The following AMOTL1 variants were observed in gnomAD, a reference collection of about 807,000 sequenced individuals.
AMOTL1 encodes the protein angiomotin like 1, also known as angiomotin-like protein 1.
In AMOTL1, 45 loss-of-function variants were observed where a neutral mutation model predicts 102.9. The observed-to-expected ratio is 0.44, with a 90% confidence interval of 0.34 to 0.56. The LOEUF is 0.56. Among genes scored for constraint, AMOTL1 ranks in the 20% least tolerant of loss-of-function variants. The pLI, the probability that AMOTL1 is intolerant of heterozygous loss-of-function variation, is 0.01. For missense variants in AMOTL1, 1,114 were observed against 1,225.6 expected (o/e 0.91, Z 1.36); for synonymous variants, 481 against 484.7 (o/e 0.99, Z 0.10).
chr11:94,854,121 T>C (rs1198015010), intron 8 of AMOTL1, 39 bp downstream of exon 8: 1 of 1,488,966 alleles, frequency 6.7e-7, no homozygotes, highest in East Asian at 2.5e-5. Context: ...GAATTAGATA[T>C]GTTCACTCAG....
At chr11:94,840,654 G>GTATATATATATATATATATA (rs551220386) in intron 6 of AMOTL1, among the ~76,000 whole-genome samples, 48 of 111,260 alleles carry the variant, frequency 4.3e-4, no homozygotes, top group African/African-American at 6.0e-4. Flanking sequence ...CTTAAAAAAC[G>GTATATATATATATATATATA]TATATATATA....
chr11:94,827,320 A>ACT (rs941096309), intron 4 of AMOTL1, among the ~76,000 whole-genome samples: 1 of 151,976 alleles, frequency 6.6e-6, no homozygotes, highest in African/African-American at 2.4e-5. Flanking sequence ...CCTGAACACC[A>ACT]CTCTCATGGT....
At chr11:94,787,552 G>C (rs951943817) in intron 1 of AMOTL1, among the ~76,000 whole-genome samples, 9 of 151,594 alleles carry the variant, frequency 5.9e-5, no homozygotes, top group African/African-American at 2.2e-4. Flanking sequence ...GCCGGGCATG[G>C]TGGCGCGCGC....
chr11:94,777,478 T>C (rs557302366), intron 1 of AMOTL1, among the ~76,000 whole-genome samples: 136 of 152,302 alleles, frequency 8.9e-4, no homozygotes, highest in African/African-American at 3.1e-3. Flanking sequence ...CTAACATTTC[T>C]TACTTTCAAA....
chr11:94,730,722 A>C (rs1950335742), intron 2 of AMOTL1, among the ~76,000 whole-genome samples: 1 of 152,202 alleles, frequency 6.6e-6, no homozygotes, highest in Admixed American at 6.5e-5. Context: ...TCCTCTGAAT[A>C]TCTCTGCCTT....
chr11:94,864,869 C>T lies in AMOTL1; in HGVS notation c.2261+9C>T, dbSNP rs376215496. On this transcript the variant is annotated intron_variant, in intron 10 of 12. Transcript: ENST00000433060. ...CAGGACATGGAATACACGTAAGGGA[C>T]GACTATGTGTGACGTGTGGGGCCCG... 6.6e-5 allele frequency: 106 copies of T among 1,611,018 alleles called. No homozygotes were observed. Among genetic ancestry groups the T allele is most frequent in the South Asian group, 5.2e-4 (47 of 90,502 alleles).
At chr11:94,785,248 G>A (rs1446338363) in intron 1 of AMOTL1, among the ~76,000 whole-genome samples, 1 of 151,884 alleles carries the variant, frequency 6.6e-6, no homozygotes, top group Admixed American at 6.6e-5. Context: ...AATTTGGTGG[G>A]AAAAAAAAGA....
chr11:94,789,102 A>G (rs551883917), intron 1 of AMOTL1, among the ~76,000 whole-genome samples: 1 of 152,160 alleles, frequency 6.6e-6, no homozygotes, highest in African/African-American at 2.4e-5. Context: ...GAGAAAGCAT[A>G]TTCCAGGGAG....
At chr11:94,777,347 T>C (rs1041389741) in intron 1 of AMOTL1, among the ~76,000 whole-genome samples, 3 of 152,210 alleles carry the variant, frequency 2.0e-5, no homozygotes, top group African/African-American at 7.2e-5. Flanking sequence ...ATACCTTAGC[T>C]GACTTTTAGA....
rs767551418 is a variant in AMOTL1, at chr11:94,821,639, C to T, written c.1231C>T (p.Leu411Phe). The T allele has an allele frequency of 3.4e-5, 55 of 1,613,824 alleles. 1 individual carries two copies. In the South Asian group the frequency reaches 5.5e-4, roughly 16 times the overall value. ...GCACTCTGTCTCCCTGCCGCTTCCA[C>T]TCCCGATGGCCCTGGGTGCTCCACA... ...PLHSVSLPLP[L>F]PMALGAPQPP... The change falls in exon 4 of 13, where the codon CTC (leucine) becomes TTC (phenylalanine). Residue 411 changes from leucine (L) to phenylalanine (F), a missense_variant. Transcript: ENST00000433060.
chr11:94,786,744 C>G (rs978724400), intron 1 of AMOTL1, among the ~76,000 whole-genome samples: 1 of 152,156 alleles, frequency 6.6e-6, no homozygotes, highest in African/African-American at 2.4e-5. Context: ...CTTTTACCTT[C>G]GTTTCCTGAG....
intron 3 of AMOTL1, among the ~76,000 whole-genome samples, chr11:94,817,145 G>T (rs1028709182): frequency 6.6e-6 from 1 of 151,874 alleles, no homozygotes; most frequent in Non-Finnish European, 1.5e-5. Flanking sequence ...CATTTAATTG[G>T]CCTCATGCTG....
At chr11:94,722,270 C>A (rs537865610) in intron 1 of AMOTL1, among the ~76,000 whole-genome samples, 2 of 152,220 alleles carry the variant, frequency 1.3e-5, no homozygotes, top group South Asian at 4.1e-4. Flanking sequence ...GTCTTCTAGC[C>A]AGCAGCTTAT....
At chr11:94,782,516 C>A (rs1372547094) in intron 1 of AMOTL1, among the ~76,000 whole-genome samples, 1 of 152,132 alleles carries the variant, frequency 6.6e-6, no homozygotes, top group Non-Finnish European at 1.5e-5. Context: ...TATGATGTTA[C>A]ATTCATATGT....
intron 3 of AMOTL1, among the ~76,000 whole-genome samples, chr11:94,760,436 G>A (rs1246053596): frequency 3.3e-5 from 5 of 152,178 alleles, no homozygotes. Context: ...TCAGCACAGG[G>A]TACCTGCAGG....
chr11:94,773,196 C>A (rs1271319387), intron 1 of AMOTL1, among the ~76,000 whole-genome samples: 3 of 152,120 alleles, frequency 2.0e-5, no homozygotes, highest in Non-Finnish European at 1.5e-5. Flanking sequence ...AGGTCTTTTG[C>A]AGATCAAAAG....
intron 6 of AMOTL1, among the ~76,000 whole-genome samples, chr11:94,843,836 A>G (rs781202434): frequency 6.6e-6 from 1 of 152,202 alleles, no homozygotes; most frequent in Admixed American, 6.5e-5. Flanking sequence ...GGCAGATAGC[A>G]TGAAAGTTGT....
rs1398409916 is a variant in AMOTL1 at position 94,875,079 on chromosome 11, A to C, written c.*4284A>C. 1.3e-5 allele frequency: 2 copies of C among 151,982 alleles called. No homozygotes were observed. The highest frequency in any genetic ancestry group is 2.9e-5 in the Non-Finnish European group (2 of 67,964). The allele number at this position is 151,982 out of a possible 1,614,324, so 9.4% of individuals were successfully genotyped here. On this transcript the variant is annotated 3_prime_UTR_variant, in exon 13 of 13. Transcript: ENST00000433060. ...ACCATTGGCTTCTCCACATCCTAAA[A>C]CCTGAGACAGCCTTGGTATATGCTT...
chr11:94,781,491 CA>C (rs1291413106), intron 1 of AMOTL1, among the ~76,000 whole-genome samples: 1 of 152,198 alleles, frequency 6.6e-6, no homozygotes, highest in African/African-American at 2.4e-5. Flanking sequence ...CAACGTTTCT[CA>C]AAGTATGTTC....
Sources: allele counts gnomAD v4.1 joint callset (sites outside exome capture counted in the v4.1 genomes callset), GRCh38; gene constraint gnomAD v4.1.1; transcripts MANE v1.5; gene names NCBI Gene and HGNC (gene_info 2026-07-23, HGNC 2026-07-21).